Variants in EPS15L1 observed in about 807,000 individuals in gnomAD.
EPS15L1 encodes the protein epidermal growth factor receptor substrate 15-like 1.
EPS15L1 carries 43 observed loss-of-function variants against 117.1 expected under a neutral mutation model. That is an observed-to-expected ratio of 0.37 (90% CI 0.29 to 0.47). The LOEUF (loss-of-function observed/expected upper bound fraction) is 0.47. EPS15L1 is among the 20% of genes least tolerant of loss of function. The pLI, the probability that EPS15L1 is intolerant of heterozygous loss-of-function variation, is 0.99. For synonymous variants in EPS15L1, 459 were observed against 470.5 expected, an observed-to-expected ratio of 0.98 and a Z score of 0.32; for missense variants, 981 against 1,164.0, an observed-to-expected ratio of 0.84 and a Z score of 2.29.
chr19:16,463,582 T>A (rs1301002040), intron 1 of EPS15L1, among the ~76,000 whole-genome samples: 1 of 152,190 alleles, frequency 6.6e-6, no homozygotes, highest in East Asian at 1.9e-4. Context: ...ATGTGGCCCA[T>A]GCTACTCTTC....
At chr19:16,403,612 C>T in intron 15 of EPS15L1, 121 bp downstream of exon 15, 1 of 962,938 alleles carries the variant, frequency 1.0e-6, no homozygotes, top group Admixed American at 2.0e-5. Context: ...ACCACAGCCT[C>T]CCAAAAGAGA....
chr19:16,401,761 A>G, intron 16 of EPS15L1: 1 of 985,716 alleles, frequency 1.0e-6, no homozygotes, highest in Non-Finnish European at 1.2e-6. Flanking sequence ...AGGTCAGAGT[A>G]AAGTGCAGAG....
chr19:16,453,488 C>T (rs956317506), intron 1 of EPS15L1, among the ~76,000 whole-genome samples: 9 of 152,014 alleles, frequency 5.9e-5, no homozygotes, highest in Non-Finnish European at 1.2e-4. Flanking sequence ...CCGAGGTGGG[C>T]GGATCATGAG....
chr19:16,363,050 G>A (rs1436359809), intron 22 of EPS15L1, among the ~76,000 whole-genome samples: 2 of 152,172 alleles, frequency 1.3e-5, no homozygotes, highest in Non-Finnish European at 2.9e-5. Context: ...CAATGTACCA[G>A]AACATTCCAC....
chr19:16,355,596 C>T lies in EPS15L1; in HGVS notation c.*109G>A, dbSNP rs2091969670. The T allele has an allele frequency of 2.9e-6, 4 of 1,362,088 alleles. No homozygotes were observed. Among genetic ancestry groups the T allele is most frequent in the South Asian group, 1.4e-5 (1 of 70,272 alleles). 84.4% of individuals were successfully genotyped at this position (1,362,088 alleles called of 1,614,324 possible). On this transcript the variant is annotated 3_prime_UTR_variant, in exon 24 of 24. Coordinates refer to ENST00000455140, the MANE Select transcript of EPS15L1 (RefSeq NM_001258374.3). ...TCACCCTGAACAAGCCCCCGAGTCCCGGTCCTTGGAGTACGGTGGCGACGG... is the reference window on the plus strand; with the variant it reads ...TCACCCTGAACAAGCCCCCGAGTCCTGGTCCTTGGAGTACGGTGGCGACGG...
chr19:16,412,281 C>T (rs1399988818), intron 13 of EPS15L1, among the ~76,000 whole-genome samples: 8 of 152,004 alleles, frequency 5.3e-5, no homozygotes, highest in Admixed American at 2.6e-4. Context: ...GCAGGCAGAT[C>T]ACGAGGTCAG....
In EPS15L1 at chr19:16,452,604, G is replaced by T. The variant is rs73511175; in HGVS notation, c.34-10385C>A. Among the ~76,000 whole-genome samples the T allele has an allele frequency of 1.2e-3, 180 of 148,582 alleles. 1 individual carries two copies. The highest frequency in any genetic ancestry group is 4.3e-3 in the African/African-American group (173 of 40,030). ...GGCCTCTGAATGGCTACTGCACTCC[G>T]GCCTGCACAACATAGCAAAATGTCA... On this transcript the variant is annotated intron_variant, in intron 1 of 23. Coordinates refer to ENST00000455140, the MANE Select transcript of EPS15L1 (RefSeq NM_001258374.3).
chr19:16,448,488 C>A (rs544047927), intron 1 of EPS15L1, among the ~76,000 whole-genome samples: 1 of 149,290 alleles, frequency 6.7e-6, no homozygotes, highest in Non-Finnish European at 1.5e-5. Context: ...CGAGATCACA[C>A]CATTGCACCA....
At chr19:16,461,738 T>G (rs988670057) in intron 1 of EPS15L1, among the ~76,000 whole-genome samples, 1 of 152,220 alleles carries the variant, frequency 6.6e-6, no homozygotes, top group African/African-American at 2.4e-5. Context: ...CACCCTCTGA[T>G]GAGCGGAGGT....
At chr19:16,411,483 C>T (rs2092705233) in intron 13 of EPS15L1, among the ~76,000 whole-genome samples, 1 of 152,178 alleles carries the variant, frequency 6.6e-6, no homozygotes, top group African/African-American at 2.4e-5. Flanking sequence ...ACGGGAGAAA[C>T]AATCAGGTTC....
chr19:16,457,418 T>A (rs1422758978), intron 1 of EPS15L1, among the ~76,000 whole-genome samples: 1 of 152,150 alleles, frequency 6.6e-6, no homozygotes, highest in African/African-American at 2.4e-5. Context: ...CCTCCATGGC[T>A]GAGCCTGTCC....
At chr19:16,440,075 A>C (rs1266836328) in intron 4 of EPS15L1, among the ~76,000 whole-genome samples, 1 of 147,034 alleles carries the variant, frequency 6.8e-6, no homozygotes, top group Non-Finnish European at 1.5e-5. Flanking sequence ...CCAAAAAAAA[A>C]AAAAAAAAAC....
chr19:16,422,064 A>G (rs1683434488), intron 9 of EPS15L1, among the ~76,000 whole-genome samples: 1 of 152,196 alleles, frequency 6.6e-6, no homozygotes, highest in Non-Finnish European at 1.5e-5. Flanking sequence ...CAAGAGGGCC[A>G]CCACCCACGA....
At chr19:16,441,482 A>G (rs1232814102) in intron 3 of EPS15L1, 1 of 166,646 alleles carries the variant, frequency 6.0e-6, no homozygotes, top group African/African-American at 2.4e-5. Flanking sequence ...AAAAAAAATT[A>G]GCCGGGTGTG....
intron 18 of EPS15L1, among the ~76,000 whole-genome samples, chr19:16,393,465 C>A (rs1282505800): frequency 6.6e-6 from 1 of 151,548 alleles, no homozygotes; most frequent in Admixed American, 6.6e-5. Flanking sequence ...CTGGCTAACA[C>A]GGTGAAACCC....
intron 13 of EPS15L1, among the ~76,000 whole-genome samples, chr19:16,409,845 G>A (rs1398226620): frequency 6.7e-6 from 1 of 149,112 alleles, no homozygotes; most frequent in African/African-American, 2.5e-5. Context: ...GGCTAAGGCA[G>A]GAGAATCACT....
In EPS15L1 at chr19:16,381,976, A is replaced by G. The variant is rs930155908; in HGVS notation, c.2247+3153T>C. Among the ~76,000 whole-genome samples the G allele has an allele frequency of 3.3e-5, 5 of 152,190 alleles. No homozygotes were observed. The highest frequency in any genetic ancestry group is 7.3e-5 in the Non-Finnish European group (5 of 68,034). ...GTGGGGCCTCGGTTCCAGTGGCTGC[A>G]GTGAGCCTTTCTACCCTCTGTGTCG... On this transcript the variant is annotated intron_variant, in intron 21 of 23. Transcript: ENST00000455140. This position sits in a 1 kb window ranked among gnomAD's most constrained non-coding sequence, Gnocchi z 4.2.
chr19:16,415,702 C>T (rs2092752062), intron 12 of EPS15L1, among the ~76,000 whole-genome samples: 1 of 152,242 alleles, frequency 6.6e-6, no homozygotes. Context: ...TACAGATGGG[C>T]ACTCTGCACA....
chr19:16,447,419 G>A (rs2145107924), intron 1 of EPS15L1, among the ~76,000 whole-genome samples: 1 of 152,310 alleles, frequency 6.6e-6, no homozygotes, highest in East Asian at 1.9e-4. Flanking sequence ...TCAGAAAGAA[G>A]AGATGCAGCA....
Sources: allele counts gnomAD v4.1 joint callset (sites outside exome capture counted in the v4.1 genomes callset), GRCh38; gene constraint gnomAD v4.1.1; non-coding constraint Gnocchi (gnomAD v3.1); transcripts MANE v1.5; gene names NCBI Gene and HGNC (gene_info 2026-07-23, HGNC 2026-07-21).